The following SPATA4 variants were observed in gnomAD, a reference collection of about 807,000 sequenced individuals.
SPATA4 encodes spermatogenesis-associated protein 4.
Under a neutral mutation model 31.8 loss-of-function variants are expected in SPATA4, and 35 were observed. That is an observed-to-expected ratio of 1.10 (90% CI 0.84 to 1.46). The LOEUF (loss-of-function observed/expected upper bound fraction) is 1.46. SPATA4 is among the 40% of genes most tolerant of loss of function. The pLI, the probability that SPATA4 is intolerant of heterozygous loss-of-function variation, is 0.00. For missense variants in SPATA4, 394 were observed against 363.1 expected (o/e 1.09, Z -0.69); for synonymous variants, 126 against 132.4 (o/e 0.95, Z 0.33).
chr4:176,188,131 C>T lies in SPATA4; in HGVS notation c.793G>A (p.Val265Ile). The T allele has an allele frequency of 1.2e-6, 2 of 1,610,434 alleles. No homozygotes were observed. Among genetic ancestry groups the T allele is most frequent in the East Asian group, 2.2e-5 (1 of 44,820 alleles). ...YNLKVKRGRV[V>I]PVLPNIGSGG... is the part of the protein sequence containing the mutation. ...AGTTAAAACTTACGTAAAACAGGGA[C>T]AACTCTTCCTCTTTTAACTTTTAAA... The change falls in exon 5 of 6, where the codon GTC becomes ATC. Residue 265 changes from valine (V) to isoleucine (I), a missense_variant. By Grantham distance (29) the Val-to-Ile change is conservative. Coordinates refer to ENST00000280191, the MANE Select transcript of SPATA4 (RefSeq NM_144644.4).
chr4:176,186,924 G>A lies in SPATA4; in HGVS notation c.805+1195C>T, dbSNP rs150022069. The stretch of plus-strand genomic sequence containing the variant: ...TATCCCCGGCGAAATCCCTCAACAC[G>A]TCAGGAAACATAATCTGTAGCAGAA... On this transcript the variant is annotated intron_variant, in intron 5 of 5. Coordinates refer to ENST00000280191, the MANE Select transcript of SPATA4 (RefSeq NM_144644.4). 4.5e-3 allele frequency among the ~76,000 whole-genome samples: 687 copies of A among 152,056 alleles called. 6 individuals are homozygous for A. The highest frequency in any genetic ancestry group is 0.015 in the African/African-American group (626 of 41,452).
In SPATA4 at chr4:176,192,832, C is replaced by A; in HGVS notation, c.483G>T (p.Gln161His). 6.2e-7 allele frequency: 1 copy of A among 1,613,214 alleles called. No individual in the cohort carries two copies. Among genetic ancestry groups the A allele is most frequent in the Non-Finnish European group, 8.5e-7 (1 of 1,179,704 alleles). ...LLTHREIKSIQDDFVNFTDYS... is the reference protein window; with the variant it reads ...LLTHREIKSIHDDFVNFTDYS... ...AGTCCGTGAAATTCACAAAGTCATC[C>A]TGGATACTTTTAATTCTGGAAATAA... Residue 161 changes from glutamine to histidine, a missense_variant, in exon 4 of 6, where the codon CAG becomes CAT. Physicochemically the swap from Gln to His is conservative, Grantham distance 24. Transcript: ENST00000280191.
At position 176,184,796 on chromosome 4, in the gene SPATA4, A is replaced by G. The variant is rs548622141; in HGVS notation, c.902T>C (p.Met301Thr). The G allele has an allele frequency of 3.1e-6, 5 of 1,591,362 alleles. No homozygotes were observed. Among genetic ancestry groups the G allele is most frequent in the South Asian group, 2.3e-5 (2 of 87,202 alleles). The change falls in exon 6 of 6, where the codon ATG (methionine) becomes ACG (threonine). Residue 301 changes from methionine (M) to threonine (T), a missense_variant. Transcript: ENST00000280191. The part of the protein sequence containing the change: ...YYSAMKPIRN[M>T]DKKP ...AGGTGCTTTTCAAGGTTTCTTGTCC[A>G]TGTTTCTGATAGGTTTCATAGCAGA...
At chr4:176,191,631 A>G (rs1465153916) in intron 4 of SPATA4, among the ~76,000 whole-genome samples, 1 of 152,210 alleles carries the variant, frequency 6.6e-6, no homozygotes. Context: ...CAAAATTTTA[A>G]TGTTTAAAAA....
intron 1 of SPATA4, 39 bp downstream of exon 1, chr4:176,195,306 C>G (rs764922812): frequency 6.2e-7 from 1 of 1,602,312 alleles, no homozygotes; most frequent in Non-Finnish European, 8.5e-7. Context: ...GCAGGCGGGG[C>G]GCCCACCGGG....
At chr4:176,187,845 C>T (rs1579294186) in intron 5 of SPATA4, among the ~76,000 whole-genome samples, 1 of 152,194 alleles carries the variant, frequency 6.6e-6, no homozygotes. Context: ...GCTTTGAACT[C>T]TAATGAGCCT....
Position 176,195,459 on chromosome 4 carries a change from CT to C in SPATA4, c.103del (p.Arg35GlyfsTer46). The C allele has an allele frequency of 6.2e-7, 1 of 1,614,262 alleles. No homozygotes were observed. Among genetic ancestry groups the C allele is most frequent in the African/African-American group, 1.3e-5 (1 of 75,070 alleles). On this transcript the variant is annotated frameshift_variant, in exon 1 of 6. Transcript: ENST00000280191. LOFTEE classifies it high-confidence loss of function. Reference protein sequence around the residue: ...SPQLAAPIRGRPKKCLVYPHA... With the variant: ...SPQLAAPIRGXPKKCLVYPHA... ...CGGATAGACCAGACACTTCTTAGGC[CT>C]CCCTCGGATGGGAGCTGCTAGCTGT...
Position 176,193,572 on chromosome 4 carries a change from T to G in SPATA4, c.229A>C (p.Asn77His), listed in dbSNP as rs1752567363. The stretch of plus-strand genomic sequence containing the variant: ...AATATTTCTGCAATTAGGAAGCCAT[T>G]TGAAAAATCTCTGATCCGTGGCAAT... ...FPRNINRDFS[N>H]GFLIAEIFCI... Residue 77 changes from asparagine (N) to histidine (H), a missense_variant, in exon 2 of 6, where the codon AAT becomes CAT. Coordinates refer to ENST00000280191, the MANE Select transcript of SPATA4 (RefSeq NM_144644.4). 1 of 1,607,116 alleles carries G rather than the reference T, an allele frequency of 6.2e-7. No homozygotes were observed. Among genetic ancestry groups the G allele is most frequent in the Non-Finnish European group, 8.5e-7 (1 of 1,178,516 alleles).
intron 5 of SPATA4, 23 bp from the exon 6 acceptor site, chr4:176,184,915 A>G: frequency 7.3e-7 from 1 of 1,370,440 alleles, no homozygotes; most frequent in Non-Finnish European, 1.0e-6. Context: ...AATAAGCAAA[A>G]TTAAAATCAA....
chr4:176,191,691 C>T (rs753717463), intron 4 of SPATA4, among the ~76,000 whole-genome samples: 34 of 152,020 alleles, frequency 2.2e-4, no homozygotes, highest in Admixed American at 1.6e-3. Flanking sequence ...ACCTGAATCA[C>T]GTCTTTATTC....
chr4:176,186,818 G>T (rs914363388), intron 5 of SPATA4, among the ~76,000 whole-genome samples: 5 of 149,006 alleles, frequency 3.4e-5, no homozygotes, highest in Admixed American at 2.0e-4. Flanking sequence ...AAGGTTCTGA[G>T]AAATCATGGT....
At chr4:176,186,682 A>G in intron 5 of SPATA4, among the ~76,000 whole-genome samples, 1 of 152,206 alleles carries the variant, frequency 6.6e-6, no homozygotes, top group South Asian at 2.1e-4. Context: ...GCTATGAGGA[A>G]CACTAGTTCT....
Position 176,191,838 on chromosome 4 carries a change from T to C in SPATA4, c.688+789A>G, listed in dbSNP as rs566944904. On this transcript the variant is annotated intron_variant, in intron 4 of 5. Coordinates refer to ENST00000280191, the MANE Select transcript of SPATA4 (RefSeq NM_144644.4). ...TCACAATTTTAGGAGATGTTAAAAT[T>C]GGTGCTTTCCTCTCTGGCTAGAAAC... 3.3e-5 allele frequency among the ~76,000 whole-genome samples: 5 copies of C among 152,202 alleles called. No individual in the cohort carries two copies. The East Asian group carries it at 9.7e-4, about 29-fold the overall frequency.
intron 1 of SPATA4, 85 bp from the exon 2 acceptor site, chr4:176,193,667 T>A: frequency 7.6e-7 from 1 of 1,323,362 alleles, no homozygotes; most frequent in Non-Finnish European, 1.0e-6. Flanking sequence ...AGTCTAATAT[T>A]CCATACTAAA....
At chr4:176,190,892 C>CAAAGTCTCTTTGCAGATGT in intron 4 of SPATA4, among the ~76,000 whole-genome samples, 1 of 152,046 alleles carries the variant, frequency 6.6e-6, no homozygotes. Context: ...TTTACATCTG[C>CAAAGTCTCTTTGCAGATGT]AAAGTCTCTT....
intron 5 of SPATA4, among the ~76,000 whole-genome samples, chr4:176,187,247 G>A (rs1394764767): frequency 6.6e-6 from 1 of 152,074 alleles, no homozygotes; most frequent in Non-Finnish European, 1.5e-5. Flanking sequence ...GAGCAGGAGT[G>A]GCTCTGTTCC....
chr4:176,184,981 T>C, intron 5 of SPATA4, 89 bp from the exon 6 acceptor site: 3 of 671,256 alleles, frequency 4.5e-6, no homozygotes, highest in South Asian at 4.7e-5. Flanking sequence ...ATCAAATATA[T>C]GCAGAATGAT....
At chr4:176,194,302 T>C (rs1048046786) in intron 1 of SPATA4, 3 of 152,236 alleles carry the variant, frequency 2.0e-5, no homozygotes, top group East Asian at 1.9e-4. Flanking sequence ...GAATGAATCA[T>C]ATTCCTGAAA....
intron 5 of SPATA4, 133 bp from the exon 6 acceptor site, chr4:176,185,025 C>G (rs1752419268): frequency 2.0e-6 from 1 of 494,006 alleles, no homozygotes; most frequent in Non-Finnish European, 3.6e-6. Context: ...ATCTAAATGC[C>G]TGGTAAACAA....
Sources: allele counts gnomAD v4.1 joint callset (sites outside exome capture counted in the v4.1 genomes callset), GRCh38; gene constraint gnomAD v4.1.1; transcripts MANE v1.5; gene names NCBI Gene and HGNC (gene_info 2026-07-23, HGNC 2026-07-21).